The following PHLPP1 variants were observed in gnomAD, a reference collection of about 807,000 sequenced individuals.
PHLPP1 encodes PH domain leucine-rich repeat-containing protein phosphatase 1.
Under a neutral mutation model 117.2 loss-of-function variants are expected in PHLPP1, and 42 were observed. That is an observed-to-expected ratio of 0.36 (90% CI 0.28 to 0.46). PHLPP1 has a LOEUF of 0.46. Among genes scored for constraint, PHLPP1 ranks in the 20% least tolerant of loss-of-function variants. The pLI, the probability that PHLPP1 is intolerant of heterozygous loss-of-function variation, is 1.00. For missense variants in PHLPP1, 2,084 were observed against 2,241.9 expected, an observed-to-expected ratio of 0.93 and a Z score of 1.42; for synonymous variants, 1,042 against 970.7, an observed-to-expected ratio of 1.07 and a Z score of -1.37.
chr18:62,829,915 T>A (rs908016814), intron 1 of PHLPP1, 120 bp from the exon 2 acceptor site: 3 of 634,298 alleles, frequency 4.7e-6, no homozygotes, highest in African/African-American at 1.8e-5. Context: ...TAAATTAGAT[T>A]GAATTTATAA....
intron 10 of PHLPP1, 57 bp downstream of exon 10, chr18:62,920,171 C>A: frequency 6.7e-7 from 1 of 1,481,978 alleles, no homozygotes; most frequent in Non-Finnish European, 9.3e-7. Flanking sequence ...TCATTTGTAT[C>A]TTTGTCTTTC....
At chr18:62,800,116 CA>C (rs1913736322) in intron 1 of PHLPP1, among the ~76,000 whole-genome samples, 1 of 152,118 alleles carries the variant, frequency 6.6e-6, no homozygotes, top group African/African-American at 2.4e-5. Flanking sequence ...AGGGCACGGC[CA>C]GCTGGAGGCC....
At position 62,972,666 on chromosome 18, in the gene PHLPP1, A is replaced by G. The variant is rs1319303596; in HGVS notation, c.3713A>G (p.Asn1238Ser). 6.2e-6 allele frequency: 10 copies of G among 1,613,904 alleles called. No homozygotes were observed. The highest frequency in any genetic ancestry group is 6.8e-6 in the Non-Finnish European group (8 of 1,179,810). Reference protein sequence around the residue: ...ILAEELQKTKNEEEYMVNTFI... With the variant: ...ILAEELQKTKSEEEYMVNTFI... ...GCTGAAGAGCTGCAAAAAACAAAAA[A>G]CGAAGAAGAATACATGGTCAATACA... The change falls in exon 15 of 17, where the codon AAC becomes AGC. Residue 1238 changes from asparagine (N) to serine (S), a missense_variant. Asn to Ser is a conservative substitution (Grantham distance 46). Transcript: ENST00000262719.
At chr18:62,862,706 A>G (rs1915663137) in intron 4 of PHLPP1, among the ~76,000 whole-genome samples, 1 of 152,240 alleles carries the variant, frequency 6.6e-6, no homozygotes, top group Admixed American at 6.5e-5. Context: ...ATCATACTTC[A>G]GTGTGCACCA....
chr18:62,953,618 A>T (rs748551906), intron 12 of PHLPP1, among the ~76,000 whole-genome samples: 1 of 152,240 alleles, frequency 6.6e-6, no homozygotes, highest in Non-Finnish European at 1.5e-5. Context: ...TGTGTCTGCC[A>T]TCTCCATATG....
chr18:62,807,388 G>A (rs1010763676), intron 1 of PHLPP1, among the ~76,000 whole-genome samples: 6 of 152,160 alleles, frequency 3.9e-5, no homozygotes, highest in Non-Finnish European at 1.5e-5. Flanking sequence ...ACAATCGTAT[G>A]TATTGAGTAT....
At chr18:62,753,406 T>C (rs1013662504) in intron 1 of PHLPP1, among the ~76,000 whole-genome samples, 6 of 152,350 alleles carry the variant, frequency 3.9e-5, no homozygotes, top group African/African-American at 1.2e-4. Context: ...GGAAAATAAC[T>C]GAAGGCTTGT....
intron 13 of PHLPP1, 117 bp downstream of exon 13, chr18:62,958,876 AC>A: frequency 2.6e-6 from 3 of 1,154,832 alleles, no homozygotes; most frequent in Non-Finnish European, 3.7e-6. Context: ...CTGTGTTAAC[AC>A]ACACAACAGG....
At chr18:62,859,258 C>T (rs971612669) in intron 3 of PHLPP1, among the ~76,000 whole-genome samples, 5 of 152,166 alleles carry the variant, frequency 3.3e-5, no homozygotes, top group African/African-American at 9.7e-5. Flanking sequence ...GGGGCTGAAG[C>T]CATGTGCTTT....
chr18:62,932,201 G>A (rs996221922), intron 10 of PHLPP1, among the ~76,000 whole-genome samples: 1 of 152,126 alleles, frequency 6.6e-6, no homozygotes, highest in Non-Finnish European at 1.5e-5. Context: ...TGACAAAGAA[G>A]GGCTGGTACC....
At chr18:62,928,000 A>G (rs1386396938) in intron 10 of PHLPP1, among the ~76,000 whole-genome samples, 3 of 152,144 alleles carry the variant, frequency 2.0e-5, no homozygotes, top group East Asian at 1.9e-4. Flanking sequence ...TTAAAAGGCA[A>G]ATATTTAGAT....
At chr18:62,722,186 C>G (rs1207117985) in intron 1 of PHLPP1, among the ~76,000 whole-genome samples, 1 of 152,178 alleles carries the variant, frequency 6.6e-6, no homozygotes, top group East Asian at 1.9e-4. Context: ...GAGAGAATAG[C>G]TCTCTCTGAA....
chr18:62,895,000 T>A lies in PHLPP1; in HGVS notation c.2067-11T>A. 1 of 1,587,364 alleles carries A rather than the reference T, an allele frequency of 6.3e-7. No individual in the cohort carries two copies. Among genetic ancestry groups the A allele is most frequent in the Non-Finnish European group, 8.6e-7 (1 of 1,163,774 alleles). ...CTCTTTTTTCCCTTTTGTTTTGCTTTATTGTAATAGGTTCACCAAGTTGAA... is the reference window on the plus strand; with the variant it reads ...CTCTTTTTTCCCTTTTGTTTTGCTTAATTGTAATAGGTTCACCAAGTTGAA... On this transcript the variant is annotated splice_polypyrimidine_tract_variant and intron_variant, in intron 4 of 16. Transcript: ENST00000262719.
At chr18:62,976,953 C>T (rs528473905) in intron 16 of PHLPP1, among the ~76,000 whole-genome samples, 2 of 152,258 alleles carry the variant, frequency 1.3e-5, no homozygotes, top group African/African-American at 2.4e-5. Context: ...ACTCCTGGAG[C>T]CCATGGTGGA....
At chr18:62,918,917 C>T (rs113178646) in intron 9 of PHLPP1, among the ~76,000 whole-genome samples, 73 of 151,754 alleles carry the variant, frequency 4.8e-4, no homozygotes, top group African/African-American at 1.6e-3. Flanking sequence ...AGCCATCCCA[C>T]AATGTATACG....
intron 1 of PHLPP1, among the ~76,000 whole-genome samples, chr18:62,728,707 C>G (rs531521197): frequency 1.3e-5 from 2 of 152,080 alleles, no homozygotes; most frequent in African/African-American, 4.8e-5. Flanking sequence ...CGGTGTTTCA[C>G]CATGTTAGCC....
intron 4 of PHLPP1, among the ~76,000 whole-genome samples, chr18:62,867,865 G>T (rs1029602997): frequency 6.6e-6 from 1 of 151,840 alleles, no homozygotes; most frequent in African/African-American, 2.4e-5. Context: ...AGGCTGGAGC[G>T]CAGTGGGGCG....
chr18:62,750,611 CTTCTT>C (rs1911820469), intron 1 of PHLPP1, among the ~76,000 whole-genome samples: 1 of 151,910 alleles, frequency 6.6e-6, no homozygotes, highest in African/African-American at 2.4e-5. Context: ...ATTTATTGCC[CTTCTT>C]TTCTTTTTCC....
intron 3 of PHLPP1, among the ~76,000 whole-genome samples, chr18:62,848,014 A>G (rs148201267): frequency 1.3e-3 from 204 of 152,264 alleles, no homozygotes; most frequent in African/African-American, 4.7e-3. Flanking sequence ...TTAGCAGTCT[A>G]TTTTCAGCAG....
Sources: gnomAD v4.1 joint callset for allele counts (sites outside exome capture counted in the v4.1 genomes callset) on GRCh38, gnomAD v4.1.1 for gene constraint, MANE v1.5 for transcripts, NCBI Gene and HGNC (gene_info 2026-07-23, HGNC 2026-07-21) for gene names.